The following KSR2 variants were observed in gnomAD, a reference collection of about 807,000 sequenced individuals.
KSR2 encodes kinase suppressor of ras 2.
In KSR2, 25 loss-of-function variants were observed where a neutral mutation model predicts 107.8. That is an observed-to-expected ratio of 0.23 (90% CI 0.17 to 0.32). The LOEUF is 0.32. KSR2 is among the 10% of genes least tolerant of loss of function. The pLI is 1.00. For missense variants in KSR2, 887 were observed against 1,268.9 expected, an observed-to-expected ratio of 0.70 and a Z score of 4.57; for synonymous variants, 480 against 507.0, an observed-to-expected ratio of 0.95 and a Z score of 0.71.
intron 5 of KSR2, among the ~76,000 whole-genome samples, chr12:117,664,989 G>C (rs1306852012): frequency 2.6e-5 from 4 of 152,122 alleles, no homozygotes; most frequent in Admixed American, 2.6e-4. Flanking sequence ...CCCACACCAG[G>C]CTGCCTCTGT....
intron 3 of KSR2, among the ~76,000 whole-genome samples, chr12:117,796,126 T>G (rs1890619711): frequency 6.6e-6 from 1 of 151,828 alleles, no homozygotes; most frequent in Admixed American, 6.6e-5. Context: ...TGGGGGAGTC[T>G]CACTAGCTTC....
At chr12:117,743,682 TG>T (rs1888303857) in intron 4 of KSR2, among the ~76,000 whole-genome samples, 1 of 152,100 alleles carries the variant, frequency 6.6e-6, no homozygotes, top group Admixed American at 6.5e-5. Context: ...GGCCAATGGG[TG>T]GCATGGCTGG....
intron 1 of KSR2, among the ~76,000 whole-genome samples, chr12:117,918,496 T>G (rs1280704025): frequency 2.0e-5 from 3 of 152,114 alleles, no homozygotes; most frequent in Non-Finnish European, 2.9e-5. Flanking sequence ...CTATTTCAAA[T>G]ATTGTCTCTT....
intron 1 of KSR2, among the ~76,000 whole-genome samples, chr12:117,943,470 T>A (rs182415239): frequency 1.6e-5 from 2 of 125,480 alleles, no homozygotes; most frequent in East Asian, 5.3e-4. Flanking sequence ...GTAGAGAACA[T>A]TCCTCCTTAT....
chr12:117,535,604 T>TTGTG (rs5801239), intron 10 of KSR2, among the ~76,000 whole-genome samples: 4,133 of 142,254 alleles, frequency 0.029, 151 homozygotes, highest in African/African-American at 0.086. Context: ...TTTCCTGGAG[T>TTGTG]TGTGTGTGTG....
chr12:117,537,518 A>G (rs764921792), intron 10 of KSR2, among the ~76,000 whole-genome samples: 1 of 152,218 alleles, frequency 6.6e-6, no homozygotes, highest in Non-Finnish European at 1.5e-5. Flanking sequence ...TAAAACAATT[A>G]TCTAAGGTGG....
rs974538339 is a variant in KSR2, at chr12:117,730,600, T to A, written c.986+30411A>T. Reference sequence around the variant, plus strand: ...ACTGCCGCCATCTCGGCTCACCGCATCCTCCCTGCCTGATTCTCCTGCCTC... The same window carrying A: ...ACTGCCGCCATCTCGGCTCACCGCAACCTCCCTGCCTGATTCTCCTGCCTC... On this transcript the variant is annotated intron_variant, in intron 4 of 19. Coordinates refer to ENST00000339824, the MANE Select transcript of KSR2 (RefSeq NM_173598.6). Among the ~76,000 whole-genome samples, 13 of 152,092 alleles carry A rather than the reference T, an allele frequency of 8.5e-5. No homozygotes were observed. In the South Asian group the frequency reaches 1.7e-3, roughly 20 times the overall value.
intron 10 of KSR2, among the ~76,000 whole-genome samples, chr12:117,536,097 C>T (rs1474574902): frequency 6.6e-6 from 1 of 152,152 alleles, no homozygotes. Flanking sequence ...CACCACATGT[C>T]CTGAGATTAA....
intron 4 of KSR2, among the ~76,000 whole-genome samples, chr12:117,692,138 C>T (rs1321633039): frequency 2.0e-5 from 3 of 152,022 alleles, no homozygotes; most frequent in East Asian, 3.9e-4. Flanking sequence ...TAACATATGG[C>T]GAACGGCACG....
At chr12:117,898,992 G>A (rs1894599592) in intron 1 of KSR2, among the ~76,000 whole-genome samples, 1 of 152,110 alleles carries the variant, frequency 6.6e-6, no homozygotes, top group South Asian at 2.1e-4. Context: ...TTTCTCTTTA[G>A]ACTGTTTATT....
chr12:117,588,135 G>A (rs894398484), intron 5 of KSR2, among the ~76,000 whole-genome samples: 5 of 152,166 alleles, frequency 3.3e-5, no homozygotes, highest in East Asian at 1.9e-4. Flanking sequence ...GAAAAGCAAA[G>A]GGGGTGTACT....
chr12:117,543,563 T>A (rs1402983948), intron 9 of KSR2, among the ~76,000 whole-genome samples: 2 of 152,240 alleles, frequency 1.3e-5, no homozygotes, highest in South Asian at 2.1e-4. Context: ...AATAATCATG[T>A]CTTTATTTAT....
chr12:117,956,733 C>G (rs1481725180), intron 1 of KSR2, among the ~76,000 whole-genome samples: 3 of 152,072 alleles, frequency 2.0e-5, no homozygotes, highest in Admixed American at 2.0e-4. Flanking sequence ...TCAAGGCCAG[C>G]CTGGGCAACA....
chr12:117,830,513 A>T (rs920588223), intron 3 of KSR2, among the ~76,000 whole-genome samples: 1 of 152,172 alleles, frequency 6.6e-6, no homozygotes, highest in Non-Finnish European at 1.5e-5. Context: ...AAAAGTTGAA[A>T]TTATTAAAAA....
intron 5 of KSR2, among the ~76,000 whole-genome samples, chr12:117,613,011 C>A (rs1463306234): frequency 6.6e-6 from 1 of 152,194 alleles, no homozygotes; most frequent in African/African-American, 2.4e-5. Flanking sequence ...GTCAATTAAA[C>A]CTCTTTTCTT....
At chr12:117,642,868 G>A (rs935481507) in intron 5 of KSR2, among the ~76,000 whole-genome samples, 4 of 152,178 alleles carry the variant, frequency 2.6e-5, no homozygotes, top group Admixed American at 6.5e-5. Flanking sequence ...AGGGGCCACT[G>A]TTGTTAGGGA....
intron 3 of KSR2, among the ~76,000 whole-genome samples, chr12:117,778,262 T>G (rs979886357): frequency 1.2e-4 from 18 of 152,050 alleles, no homozygotes; most frequent in Non-Finnish European, 2.5e-4. Flanking sequence ...AGCTAATTTT[T>G]GTATTTTTAG....
At position 117,968,060 on chromosome 12, in the gene KSR2, C is replaced by A. The variant is rs1341262703; in HGVS notation, c.180+16G>T. Reference sequence around the variant, plus strand: ...TTTTTTTTTTTTTTTTTTTTTTTCCCGTAGGCAACACCTACCTCCAGGGTC... The same window carrying A: ...TTTTTTTTTTTTTTTTTTTTTTTCCAGTAGGCAACACCTACCTCCAGGGTC... On this transcript the variant is annotated intron_variant, in intron 1 of 19. Coordinates refer to ENST00000339824, the MANE Select transcript of KSR2 (RefSeq NM_173598.6). 3.5e-6 allele frequency: 3 copies of A among 855,080 alleles called. No homozygotes were observed. The highest frequency in any genetic ancestry group is 5.4e-6 in the Non-Finnish European group (3 of 556,300). 53.0% of individuals were successfully genotyped at this position (855,080 alleles called of 1,614,324 possible). A position where few individuals can be genotyped will look rare whatever the true frequency, so the allele number is the denominator to read the frequency against.
intron 1 of KSR2, among the ~76,000 whole-genome samples, chr12:117,934,908 C>G (rs1895794475): frequency 6.6e-6 from 1 of 152,128 alleles, no homozygotes; most frequent in Non-Finnish European, 1.5e-5. Context: ...TCACTGCAGC[C>G]TTGAACTCCT....
Sources: allele counts gnomAD v4.1 joint callset (sites outside exome capture counted in the v4.1 genomes callset), GRCh38; gene constraint gnomAD v4.1.1; transcripts MANE v1.5; gene names NCBI Gene and HGNC (gene_info 2026-07-23, HGNC 2026-07-21).